SNX25: variants seen among roughly 807,000 people sequenced by gnomAD.
The protein encoded by SNX25 is sorting nexin 25, also known as sorting nexin-25.
A neutral mutation model predicts 113.7 loss-of-function variants in SNX25; 62 were observed. That is an observed-to-expected ratio of 0.55 (90% CI 0.44 to 0.67). The LOEUF (loss-of-function observed/expected upper bound fraction) is 0.67, where lower values mean the gene tolerates loss of function less well. SNX25 is among the 30% of genes least tolerant of loss of function. SNX25 has a pLI of 0.00. For synonymous variants in SNX25, 421 were observed against 436.2 expected, an observed-to-expected ratio of 0.97 and a Z score of 0.43; for missense variants, 1,014 against 1,161.0, an observed-to-expected ratio of 0.87 and a Z score of 1.84.
At chr4:185,359,420 A>C (rs892732358) in intron 16 of SNX25, among the ~76,000 whole-genome samples, 1 of 152,130 alleles carries the variant, frequency 6.6e-6, no homozygotes, top group Non-Finnish European at 1.5e-5. Flanking sequence ...TTTTACTCAG[A>C]AAAAATGGCC....
At chr4:185,236,338 G>T (rs1742637024) in intron 1 of SNX25, among the ~76,000 whole-genome samples, 1 of 151,796 alleles carries the variant, frequency 6.6e-6, no homozygotes, top group Non-Finnish European at 1.5e-5. Context: ...ACTCCATCCA[G>T]CCTGGGCAAC....
chr4:185,329,503 G>A (rs1579810503), intron 9 of SNX25, among the ~76,000 whole-genome samples: 1 of 152,208 alleles, frequency 6.6e-6, no homozygotes, highest in East Asian at 1.9e-4. Flanking sequence ...ATTTCTTCTA[G>A]CTTAGTCCTA....
At chr4:185,287,909 C>A in intron 5 of SNX25, 103 bp from the exon 6 acceptor site, 1 of 915,754 alleles carries the variant, frequency 1.1e-6, no homozygotes, top group Non-Finnish European at 1.6e-6. Context: ...GGATTCACAG[C>A]TCCTGTGTTA....
intron 5 of SNX25, among the ~76,000 whole-genome samples, chr4:185,280,720 C>T (rs78571972): frequency 0.017 from 2,595 of 152,286 alleles, 55 homozygotes; most frequent in African/African-American, 0.047. Flanking sequence ...TTTGTGCTTT[C>T]GTGTTCACTG....
chr4:185,295,519 G>T (rs930979362), intron 6 of SNX25, among the ~76,000 whole-genome samples: 7 of 150,790 alleles, frequency 4.6e-5, no homozygotes, highest in Non-Finnish European at 1.0e-4. Context: ...GTGCAGTCAC[G>T]GCTCACTGCA....
downstream of SNX25, chr4:185,366,438 T>A (rs576742065): frequency 6.6e-6 from 1 of 152,372 alleles, no homozygotes; most frequent in Admixed American, 6.5e-5. Flanking sequence ...GCAGTTGTTT[T>A]ACTCATTAAG....
chr4:185,310,681 C>T lies in SNX25; in HGVS notation c.1209C>T (p.Asn403=). 1 of 1,613,896 alleles carries T rather than the reference C, an allele frequency of 6.2e-7. No individual in the cohort carries two copies. Among genetic ancestry groups the T allele is most frequent in the Non-Finnish European group, 8.5e-7 (1 of 1,179,964 alleles). Residue 403 remains asparagine, a synonymous_variant, in exon 7 of 19, where the codon AAC becomes AAT. Coordinates refer to ENST00000652585, the MANE Select transcript of SNX25 (RefSeq NM_001378034.2). The part of the protein sequence containing the change: ...AMKADLLRAR[N]MKRYINQLTV... Reference sequence around the variant, plus strand: ...AAGCTGATCTCCTGAGGGCCAGGAACATGAAGAGGTACATCAACCAACTGA... The same window carrying T: ...AAGCTGATCTCCTGAGGGCCAGGAATATGAAGAGGTACATCAACCAACTGA...
chr4:185,272,343 G>GT (rs1321353097), intron 5 of SNX25, among the ~76,000 whole-genome samples: 3 of 152,172 alleles, frequency 2.0e-5, no homozygotes, highest in African/African-American at 7.2e-5. Flanking sequence ...GTGTTCCCTT[G>GT]TTTTCAAGAT....
intron 5 of SNX25, among the ~76,000 whole-genome samples, chr4:185,277,443 T>C: frequency 6.6e-6 from 1 of 152,082 alleles, no homozygotes; most frequent in East Asian, 1.9e-4. Context: ...GTGCTGGTCG[T>C]TTTCAACAAC....
intron 10 of SNX25, among the ~76,000 whole-genome samples, chr4:185,333,588 C>T (rs2095210441): frequency 6.6e-6 from 1 of 152,120 alleles, no homozygotes; most frequent in African/African-American, 2.4e-5. Context: ...AATATCTATT[C>T]ATCTATAATC....
At chr4:185,354,264 A>G (rs2095329515) in intron 15 of SNX25, among the ~76,000 whole-genome samples, 1 of 152,242 alleles carries the variant, frequency 6.6e-6, no homozygotes, top group African/African-American at 2.4e-5. Context: ...TGCTTAGCAC[A>G]GAAGAATCCT....
At chr4:185,245,547 C>T (rs986282109) in intron 1 of SNX25, among the ~76,000 whole-genome samples, 6 of 152,062 alleles carry the variant, frequency 3.9e-5, no homozygotes, top group African/African-American at 7.2e-5. Context: ...CTGTGATGGC[C>T]AGGCTGGACT....
chr4:185,257,803 G>T (rs1746673074), intron 2 of SNX25, among the ~76,000 whole-genome samples: 2 of 152,130 alleles, frequency 1.3e-5, no homozygotes, highest in African/African-American at 4.8e-5. Context: ...CCAAGGTGCA[G>T]AATTAAGAAC....
downstream of SNX25, chr4:185,374,030 A>G (rs2095424859): frequency 4.4e-6 from 4 of 899,554 alleles, no homozygotes; most frequent in Non-Finnish European, 6.9e-6. Flanking sequence ...TAAAGGAACT[A>G]TAAGAGATAT....
downstream of SNX25, chr4:185,366,069 A>G (rs1230909246): frequency 4.6e-5 from 7 of 152,366 alleles, no homozygotes; most frequent in South Asian, 1.2e-3. Context: ...ATAAAGCCAC[A>G]TCCTTTAATA....
intron 6 of SNX25, among the ~76,000 whole-genome samples, chr4:185,304,636 C>T (rs554869025): frequency 2.0e-4 from 31 of 152,234 alleles, no homozygotes; most frequent in Non-Finnish European, 2.6e-4. Context: ...GAATTACAGG[C>T]GTGAGCCACC....
chr4:185,248,541 C>A (rs1363518653), intron 2 of SNX25, among the ~76,000 whole-genome samples: 1 of 151,882 alleles, frequency 6.6e-6, no homozygotes, highest in Non-Finnish European at 1.5e-5. Flanking sequence ...AGTCCTAGCT[C>A]CTTGGGAGGC....
At chr4:185,347,276 G>T (rs926652931) in intron 13 of SNX25, among the ~76,000 whole-genome samples, 2 of 152,292 alleles carry the variant, frequency 1.3e-5, no homozygotes, top group East Asian at 1.9e-4. Context: ...GATGCCCAGA[G>T]ATTAGGATTT....
chr4:185,251,598 C>CGTGTGTGTGTGTGT (rs71593618), intron 2 of SNX25, among the ~76,000 whole-genome samples: 1 of 147,166 alleles, frequency 6.8e-6, no homozygotes, highest in Non-Finnish European at 1.5e-5. Flanking sequence ...TATTCCATTG[C>CGTGTGTGTGTGTGT]GTGTGTGTGT....
Sources: allele counts gnomAD v4.1 joint callset (sites outside exome capture counted in the v4.1 genomes callset), GRCh38; gene constraint gnomAD v4.1.1; transcripts MANE v1.5; gene names NCBI Gene and HGNC (gene_info 2026-07-23, HGNC 2026-07-21).